STPG2: variants seen among roughly 807,000 people sequenced by gnomAD.
STPG2 encodes the protein sperm-tail PG-rich repeat-containing protein 2.
STPG2 carries 56 observed loss-of-function variants against 54.2 expected under a neutral mutation model. The ratio of observed to expected loss-of-function variants is 1.03; its 90% CI spans 0.83 to 1.29. The LOEUF (loss-of-function observed/expected upper bound fraction) is 1.29, where lower values mean the gene tolerates loss of function less well. STPG2 is among the 50% of genes most tolerant of loss of function. The pLI, the probability that STPG2 is intolerant of heterozygous loss-of-function variation, is 0.00. For synonymous variants in STPG2, 200 were observed against 181.8 expected (o/e 1.10, Z -0.81); for missense variants, 596 against 544.9 (o/e 1.09, Z -0.93).
intron 9 of STPG2, among the ~76,000 whole-genome samples, chr4:97,833,231 G>C (rs1728524549): frequency 1.3e-5 from 2 of 152,082 alleles, no homozygotes; most frequent in Non-Finnish European, 2.9e-5. Flanking sequence ...TCAGATCTTT[G>C]ATAAACCTGA....
At chr4:97,496,827 G>T (rs866408158) in intron 4 of STPG2, among the ~76,000 whole-genome samples, 1 of 151,812 alleles carries the variant, frequency 6.6e-6, no homozygotes. Context: ...TCACCATGTG[G>T]CATTCATTTT....
chr4:97,648,575 C>T (rs993532360), intron 10 of STPG2, among the ~76,000 whole-genome samples: 3 of 152,066 alleles, frequency 2.0e-5, no homozygotes, highest in Admixed American at 6.6e-5. Context: ...TGAACATAGG[C>T]TTTGAAGTCA....
intron 9 of STPG2, among the ~76,000 whole-genome samples, chr4:97,782,000 G>A (rs561411469): frequency 6.6e-6 from 1 of 152,276 alleles, no homozygotes; most frequent in East Asian, 1.9e-4. Flanking sequence ...AAAACTGGAA[G>A]CATTCCCTTT....
intron 8 of STPG2, among the ~76,000 whole-genome samples, chr4:97,927,815 G>T (rs1431080756): frequency 6.6e-6 from 1 of 151,992 alleles, no homozygotes; most frequent in Admixed American, 6.6e-5. Context: ...AGTACTCAAT[G>T]AGTTAATATG....
At chr4:97,684,219 T>A (rs1311813808) in intron 10 of STPG2, among the ~76,000 whole-genome samples, 1 of 151,880 alleles carries the variant, frequency 6.6e-6, no homozygotes, top group East Asian at 1.9e-4. Context: ...TCTCAGAAAG[T>A]TACCTGGTGG....
chr4:97,859,706 G>T (rs146917033), intron 8 of STPG2, among the ~76,000 whole-genome samples: 1 of 151,958 alleles, frequency 6.6e-6, no homozygotes, highest in Non-Finnish European at 1.5e-5. Flanking sequence ...CTCGTGATCC[G>T]CCAACTTGGC....
chr4:97,679,942 T>C (rs1208257539), intron 10 of STPG2, among the ~76,000 whole-genome samples: 1 of 151,618 alleles, frequency 6.6e-6, no homozygotes, highest in African/African-American at 2.4e-5. Flanking sequence ...GTTGTAGATA[T>C]GTGGCGTTAT....
At chr4:97,896,855 A>G (rs1730974447) in intron 8 of STPG2, among the ~76,000 whole-genome samples, 1 of 151,808 alleles carries the variant, frequency 6.6e-6, no homozygotes, top group Non-Finnish European at 1.5e-5. Flanking sequence ...AACAGTTGCT[A>G]CTATTAGTTG....
At chr4:97,963,485 T>C (rs542384999) in intron 7 of STPG2, among the ~76,000 whole-genome samples, 1 of 152,084 alleles carries the variant, frequency 6.6e-6, no homozygotes, top group East Asian at 1.9e-4. Context: ...AGACCTTGTC[T>C]CTATGAAAAA....
chr4:97,602,066 C>T (rs1344885684), intron 10 of STPG2, among the ~76,000 whole-genome samples: 2 of 151,756 alleles, frequency 1.3e-5, no homozygotes, highest in African/African-American at 2.4e-5. Context: ...TATAGACATG[C>T]AATTGCTTTT....
intron 10 of STPG2, among the ~76,000 whole-genome samples, chr4:97,620,718 C>A (rs1733989209): frequency 6.6e-6 from 1 of 152,032 alleles, no homozygotes; most frequent in Non-Finnish European, 1.5e-5. Flanking sequence ...ACCCTCCTGA[C>A]AATATTAGAC....
intron 5 of STPG2, among the ~76,000 whole-genome samples, chr4:98,077,198 A>G (rs923182244): frequency 6.6e-6 from 1 of 151,644 alleles, no homozygotes; most frequent in African/African-American, 2.4e-5. Flanking sequence ...TGTAATCCAC[A>G]TAAAGTTCTT....
At chr4:98,043,858 T>C (rs1560652200) in intron 5 of STPG2, among the ~76,000 whole-genome samples, 1 of 151,942 alleles carries the variant, frequency 6.6e-6, no homozygotes, top group Non-Finnish European at 1.5e-5. Flanking sequence ...TACAGATTAT[T>C]TTTTGTCACC....
intron 8 of STPG2, among the ~76,000 whole-genome samples, chr4:97,920,606 A>C (rs923680636): frequency 2.6e-5 from 4 of 152,142 alleles, no homozygotes; most frequent in African/African-American, 9.7e-5. Context: ...CAAAAAAAAA[A>C]GCAGTGCCAC....
chr4:97,509,644 A>G (rs1266664349), intron 4 of STPG2, among the ~76,000 whole-genome samples: 1 of 152,112 alleles, frequency 6.6e-6, no homozygotes, highest in Non-Finnish European at 1.5e-5. Flanking sequence ...GATTTTAAAT[A>G]AAGACAAATA....
At chr4:97,635,906 C>G (rs1313567516) in intron 10 of STPG2, among the ~76,000 whole-genome samples, 2 of 151,984 alleles carry the variant, frequency 1.3e-5, no homozygotes. Flanking sequence ...ACTTTAACAC[C>G]CCACTGTCAA....
At chr4:98,071,126 A>T (rs960018330) in intron 5 of STPG2, among the ~76,000 whole-genome samples, 1 of 152,318 alleles carries the variant, frequency 6.6e-6, no homozygotes, top group African/African-American at 2.4e-5. Context: ...CTAAGTAAAA[A>T]GAACAAAGCT....
intron 5 of STPG2, among the ~76,000 whole-genome samples, chr4:97,982,253 A>G (rs1181164370): frequency 6.6e-6 from 1 of 152,040 alleles, no homozygotes; most frequent in African/African-American, 2.4e-5. Flanking sequence ...ATAATACAGA[A>G]AATATGTGTA....
intron 10 of STPG2, among the ~76,000 whole-genome samples, chr4:97,621,378 T>C (rs569843910): frequency 6.6e-6 from 1 of 152,088 alleles, no homozygotes; most frequent in East Asian, 1.9e-4. Flanking sequence ...ATTACTAAGA[T>C]TGACAGACCA....
Sources: gnomAD v4.1 joint callset for allele counts (sites outside exome capture counted in the v4.1 genomes callset) on GRCh38, gnomAD v4.1.1 for gene constraint, MANE v1.5 for transcripts, NCBI Gene and HGNC (gene_info 2026-07-23, HGNC 2026-07-21) for gene names.